Variants in PRR16 observed in about 807,000 individuals in gnomAD.
PRR16 encodes proline rich 16.
PRR16 carries 6 observed loss-of-function variants against 18.2 expected under a neutral mutation model. The ratio of observed to expected loss-of-function variants is 0.33; its 90% confidence interval spans 0.18 to 0.65. The LOEUF (loss-of-function observed/expected upper bound fraction) is 0.65, where lower values mean the gene tolerates loss of function less well. Among genes scored for constraint, PRR16 ranks in the 30% least tolerant of loss-of-function variants. The probability of loss-of-function intolerance (pLI) is 0.74; values close to 1 mark genes in which losing one functional copy is unlikely to be tolerated. For synonymous variants in PRR16, 151 were observed against 147.8 expected (o/e 1.02, Z -0.16); for missense variants, 412 against 376.6 (o/e 1.09, Z -0.78).
chr5:120,660,833 A>C (rs1222169471), intron 1 of PRR16, among the ~76,000 whole-genome samples: 1 of 152,146 alleles, frequency 6.6e-6, no homozygotes, highest in African/African-American at 2.4e-5. Context: ...GTGATTATGG[A>C]ATATAAAAAG....
chr5:120,687,587 T>C (rs1455727207), downstream of PRR16, among the ~76,000 whole-genome samples: 1 of 152,168 alleles, frequency 6.6e-6, no homozygotes, highest in Non-Finnish European at 1.5e-5. Flanking sequence ...CCCTAAACTA[T>C]TACATTGAGG....
the PRR16 span, among the ~76,000 whole-genome samples, chr5:120,740,013 A>G: frequency 1.3e-5 from 2 of 152,228 alleles, no homozygotes; most frequent in Admixed American, 6.5e-5. Context: ...TGGTTATATT[A>G]TAACCTCTAG....
chr5:120,556,233 GTTTTTT>G (rs34053155), intron 1 of PRR16, among the ~76,000 whole-genome samples: 1 of 121,760 alleles, frequency 8.2e-6, no homozygotes, highest in Non-Finnish European at 1.7e-5. Flanking sequence ...CAATTTCATT[GTTTTTT>G]TTTTTTTTTT....
chr5:120,606,658 G>A (rs1027487476), intron 1 of PRR16, among the ~76,000 whole-genome samples: 3 of 152,226 alleles, frequency 2.0e-5, no homozygotes, highest in East Asian at 3.9e-4. Flanking sequence ...ATCCCAGCAT[G>A]TTGAGAGGCC....
chr5:120,589,407 A>T (rs1580759103), intron 1 of PRR16, among the ~76,000 whole-genome samples: 1 of 152,070 alleles, frequency 6.6e-6, no homozygotes, highest in African/African-American at 2.4e-5. Context: ...AATACTCACA[A>T]ATTCTCAAGG....
At chr5:120,520,397 A>G (rs1038038989) in intron 1 of PRR16, among the ~76,000 whole-genome samples, 2 of 152,178 alleles carry the variant, frequency 1.3e-5, no homozygotes, top group Non-Finnish European at 2.9e-5. Flanking sequence ...TCTGTCTCCA[A>G]AAGAAAAATA....
chr5:120,743,538 G>C, the PRR16 span, among the ~76,000 whole-genome samples: 1 of 149,608 alleles, frequency 6.7e-6, no homozygotes, highest in Non-Finnish European at 1.5e-5. Flanking sequence ...TCTGAAGACA[G>C]CCTGACAGTT....
At chr5:120,780,279 G>A in the PRR16 span, among the ~76,000 whole-genome samples, 1 of 152,092 alleles carries the variant, frequency 6.6e-6, no homozygotes, top group African/African-American at 2.4e-5. Flanking sequence ...TATAACTAAG[G>A]AAGTACTATA....
At chr5:120,792,511 C>A in the PRR16 span, among the ~76,000 whole-genome samples, 537 of 152,278 alleles carry the variant, frequency 3.5e-3, 7 homozygotes, top group African/African-American at 0.012. Context: ...CCAGTTCCCA[C>A]TGAGAAGTAC....
chr5:120,641,684 C>T lies in PRR16; in HGVS notation c.160-44270C>T, dbSNP rs1324366932. ...TGCTCTAGATGGCTTTCATTCTTTC[C>T]GATCAAAAGAGCAAGTAAAAGAAAA... On this transcript the variant is annotated intron_variant, in intron 1 of 1. Transcript: ENST00000407149. Among the ~76,000 whole-genome samples the T allele has an allele frequency of 6.6e-5, 10 of 151,982 alleles. No homozygotes were observed. The East Asian group carries it at 7.7e-4, about 12-fold the overall frequency.
At chr5:120,757,047 C>T in the PRR16 span, among the ~76,000 whole-genome samples, 1 of 152,066 alleles carries the variant, frequency 6.6e-6, no homozygotes, top group Non-Finnish European at 1.5e-5. Flanking sequence ...GGACATCCAG[C>T]TATACCAGCA....
intron 1 of PRR16, among the ~76,000 whole-genome samples, chr5:120,565,804 T>A (rs963747541): frequency 6.6e-6 from 1 of 152,350 alleles, no homozygotes; most frequent in Non-Finnish European, 1.5e-5. Flanking sequence ...TTCTATTTTA[T>A]TGTTTTGAGT....
intron 1 of PRR16, among the ~76,000 whole-genome samples, chr5:120,628,159 T>C (rs1027671755): frequency 1.3e-5 from 2 of 152,118 alleles, no homozygotes; most frequent in Non-Finnish European, 1.5e-5. Flanking sequence ...TTTTGTTTTT[T>C]ATTTGCAGTT....
At chr5:120,714,326 ATTGAC>A in the PRR16 span, among the ~76,000 whole-genome samples, 3 of 152,184 alleles carry the variant, frequency 2.0e-5, no homozygotes, top group Non-Finnish European at 2.9e-5. Context: ...TTTTGCCAAC[ATTGAC>A]TTGGAGTGGG....
chr5:120,755,190 TAATA>T, the PRR16 span, among the ~76,000 whole-genome samples: 1 of 151,704 alleles, frequency 6.6e-6, no homozygotes, highest in Non-Finnish European at 1.5e-5. Flanking sequence ...TAGAGTATAA[TAATA>T]ATAAAATTTA....
Position 120,474,839 on chromosome 5 carries a change from G to A in PRR16, c.159+10194G>A, listed in dbSNP as rs187194042. Reference sequence around the variant, plus strand: ...AAACTCAGAAAGAATGAAGGGAGCAGTTGAGGCTGAGCTGCTTGTCTTCTT... The same window carrying A: ...AAACTCAGAAAGAATGAAGGGAGCAATTGAGGCTGAGCTGCTTGTCTTCTT... On this transcript the variant is annotated intron_variant, in intron 1 of 1. Coordinates refer to ENST00000407149, the MANE Select transcript of PRR16 (RefSeq NM_001300783.2). 3.3e-4 allele frequency among the ~76,000 whole-genome samples: 50 copies of A among 152,290 alleles called. 1 individual carries two copies. Among genetic ancestry groups the A allele is most frequent in the Admixed American group, 1.6e-3 (25 of 15,286 alleles).
At chr5:120,518,120 G>A (rs144191924) in intron 1 of PRR16, among the ~76,000 whole-genome samples, 111 of 152,002 alleles carry the variant, frequency 7.3e-4, no homozygotes, top group African/African-American at 2.6e-3. Flanking sequence ...CTCTTTTTAC[G>A]TCAATCTTTT....
the PRR16 span, among the ~76,000 whole-genome samples, chr5:120,783,904 C>T: frequency 3.3e-5 from 5 of 152,084 alleles, no homozygotes; most frequent in African/African-American, 7.2e-5. Context: ...AATCATCATT[C>T]TACTTTCCAC....
At chr5:120,742,830 C>T in the PRR16 span, among the ~76,000 whole-genome samples, 1 of 152,158 alleles carries the variant, frequency 6.6e-6, no homozygotes, top group Non-Finnish European at 1.5e-5. Context: ...CCTCTGGGCT[C>T]TAAAGAAGGA....
Sources: allele counts gnomAD v4.1 joint callset (sites outside exome capture counted in the v4.1 genomes callset), GRCh38; gene constraint gnomAD v4.1.1; transcripts MANE v1.5; gene names NCBI Gene and HGNC (gene_info 2026-07-23, HGNC 2026-07-21).